Variants in LCA5 observed in about 807,000 individuals in gnomAD.
LCA5 encodes lebercilin LCA5, also known as lebercilin.
LCA5 carries 37 observed loss-of-function variants against 53.0 expected under a neutral mutation model. The ratio of observed to expected loss-of-function variants is 0.70; its 90% confidence interval spans 0.54 to 0.92. The LOEUF (loss-of-function observed/expected upper bound fraction) is 0.92, where lower values mean the gene tolerates loss of function less well. Ranked by LOEUF, LCA5 falls within the 40% of genes least tolerant of loss-of-function variation. The pLI is 0.00. For synonymous variants in LCA5, 303 were observed against 282.9 expected (o/e 1.07, Z -0.71); for missense variants, 806 against 790.5 (o/e 1.02, Z -0.23).
chr6:79,523,073 T>C (rs1288188481), intron 1 of LCA5, among the ~76,000 whole-genome samples: 1 of 152,194 alleles, frequency 6.6e-6, no homozygotes, highest in Non-Finnish European at 1.5e-5. Context: ...TAGAAGACTT[T>C]TGAATTAATT....
At position 79,518,890 on chromosome 6, in the gene LCA5, C is replaced by T. The variant is rs1411425708; in HGVS notation, c.5G>A (p.Gly2Glu). 1 of 1,614,040 alleles carries T rather than the reference C, an allele frequency of 6.2e-7. No homozygotes were observed. The highest frequency in any genetic ancestry group is 8.5e-7 in the Non-Finnish European group (1 of 1,179,964). ...AGTACCTGGACTTCCTGCTCTTTCC[C>T]CCATTGTTTTGAAAAATGGTCTCTA... The part of the protein sequence containing the change: M[G>E]ERAGSPGTDQ... The change falls in exon 2 of 8, where the codon GGG becomes GAG. Residue 2 changes from glycine to glutamate, a missense_variant. Physicochemically the swap from Gly to Glu is moderately conservative, Grantham distance 98. Transcript: ENST00000369846.
intron 3 of LCA5, among the ~76,000 whole-genome samples, chr6:79,508,424 T>A (rs1770326162): frequency 2.0e-5 from 3 of 151,980 alleles, no homozygotes; most frequent in African/African-American, 7.3e-5. Context: ...CTGGCGAAGT[T>A]TTTCACAGCT....
At chr6:79,507,181 C>T (rs1374478902) in intron 3 of LCA5, among the ~76,000 whole-genome samples, 1 of 152,050 alleles carries the variant, frequency 6.6e-6, no homozygotes, top group Non-Finnish European at 1.5e-5. Flanking sequence ...GATATGAGGA[C>T]CCAGCTGTCC....
chr6:79,501,293 TATCC>T (rs1770132202), intron 3 of LCA5, among the ~76,000 whole-genome samples: 1 of 152,124 alleles, frequency 6.6e-6, no homozygotes, highest in Non-Finnish European at 1.5e-5. Context: ...GTCAAGAACA[TATCC>T]ATCCATTCAT....
intron 3 of LCA5, among the ~76,000 whole-genome samples, chr6:79,497,861 T>C (rs1770024291): frequency 1.3e-5 from 2 of 150,480 alleles, no homozygotes; most frequent in African/African-American, 4.9e-5. Context: ...TAATTCCAGC[T>C]ACTCAGGAGG....
intron 3 of LCA5, among the ~76,000 whole-genome samples, chr6:79,499,048 T>C (rs1404525856): frequency 6.6e-6 from 1 of 151,998 alleles, no homozygotes; most frequent in Non-Finnish European, 1.5e-5. Flanking sequence ...ACAGCACCTA[T>C]CCCAAGAAGC....
intron 3 of LCA5, among the ~76,000 whole-genome samples, chr6:79,501,128 T>C (rs984788471): frequency 5.9e-5 from 9 of 152,136 alleles, no homozygotes; most frequent in African/African-American, 1.9e-4. Context: ...GGGCTCCCCA[T>C]AGTGTACGCA....
rs144383861 is a variant in LCA5 at position 79,489,993 on chromosome 6, C to G, written c.1099-777G>C. ...CCCTCCATTTCCTTGTTGCCCTTTC[C>G]CACAGGGGTGGAAAGCCAGTTCCAA... is the stretch of plus-strand genomic sequence containing the variant. On this transcript the variant is annotated intron_variant, in intron 6 of 7. Coordinates refer to ENST00000369846, the MANE Select transcript of LCA5 (RefSeq NM_001122769.3). Among the ~76,000 whole-genome samples, 359 of 152,088 alleles carry G rather than the reference C, an allele frequency of 2.4e-3. 2 individuals are homozygous for G. The highest frequency in any genetic ancestry group is 8.3e-3 in the African/African-American group (346 of 41,496).
At chr6:79,506,120 T>G (rs549095576) in intron 3 of LCA5, among the ~76,000 whole-genome samples, 1 of 152,282 alleles carries the variant, frequency 6.6e-6, no homozygotes, top group African/African-American at 2.4e-5. Context: ...CAAACTTCCT[T>G]TAATAGCTCC....
Position 79,485,471 on chromosome 6 carries a change from G to A in LCA5, c.*1533C>T, listed in dbSNP as rs1769623826. 1 of 152,392 alleles carries A rather than the reference G, an allele frequency of 6.6e-6. No homozygotes were observed. The highest frequency in any genetic ancestry group is 2.1e-4 in the South Asian group (1 of 4,822). The allele number at this position is 152,392 out of a possible 1,614,324, so 9.4% of individuals were successfully genotyped here. ...CATATCAGACATACAAATCTATTAA[G>A]AAAACTTTTTAATATAGTTTAGCAC... On this transcript the variant is annotated 3_prime_UTR_variant, in exon 8 of 8. Coordinates refer to ENST00000369846, the MANE Select transcript of LCA5 (RefSeq NM_001122769.3).
intron 3 of LCA5, among the ~76,000 whole-genome samples, chr6:79,497,893 A>C (rs1770025115): frequency 6.6e-6 from 1 of 151,122 alleles, no homozygotes. Flanking sequence ...GAATCGCTTG[A>C]ACCCGGGAGG....
chr6:79,525,727 G>A lies in LCA5; in HGVS notation c.-191-6642C>T, dbSNP rs1225663456. ...TGAAAAAATAGTCCGGATTAGATCC[G>A]GAGGACCCAGTAGGGCAAGGCCTCG... is the stretch of plus-strand genomic sequence containing the variant. On this transcript the variant is annotated intron_variant, in intron 1 of 7. Transcript: ENST00000369846. 5.3e-5 allele frequency among the ~76,000 whole-genome samples: 8 copies of A among 152,216 alleles called. No individual in the cohort carries two copies. In the South Asian group the frequency reaches 1.2e-3, roughly 24 times the overall value.
At chr6:79,487,941 A>C in intron 7 of LCA5, 75 bp from the exon 8 acceptor site, 1 of 1,117,560 alleles carries the variant, frequency 8.9e-7, no homozygotes, top group Non-Finnish European at 1.3e-6. Flanking sequence ...ATCAACTTTC[A>C]TAAAACCACC....
At position 79,486,590 on chromosome 6, in the gene LCA5, C is replaced by T. The variant is rs1278706207; in HGVS notation, c.*414G>A. The T allele has an allele frequency of 1.1e-5, 2 of 174,224 alleles. No homozygotes were observed. The highest frequency in any genetic ancestry group is 4.8e-5 in the African/African-American group (2 of 41,552). The allele number at this position is 174,224 out of a possible 1,614,324, so 10.8% of individuals were successfully genotyped here. A position where few individuals can be genotyped will look rare whatever the true frequency, so the allele number is the denominator to read the frequency against. On this transcript the variant is annotated 3_prime_UTR_variant, in exon 8 of 8. Coordinates refer to ENST00000369846, the MANE Select transcript of LCA5 (RefSeq NM_001122769.3). ...TTCTCCACCATCCGGAGCTACACTT[C>T]CCAACACAGACTTTCACCCTTAATT...
Position 79,493,488 on chromosome 6 carries a change from A to G in LCA5, c.858+125T>C, listed in dbSNP as rs972228385. 6.7e-6 allele frequency: 6 copies of G among 898,964 alleles called. No homozygotes were observed. In the African/African-American group the frequency reaches 6.8e-5, roughly 10 times the overall value. 55.7% of individuals were successfully genotyped at this position (898,964 alleles called of 1,614,324 possible). ...AAACCTTTTCTAAGTGCTAAAGATA[A>G]TATCAGAATTTTGTAAATTATATTG... On this transcript the variant is annotated intron_variant, in intron 4 of 7. Transcript: ENST00000369846.
At chr6:79,532,550 TCTTCTGTGCCTTCAACATA>T (rs1198348340) in intron 1 of LCA5, among the ~76,000 whole-genome samples, 1 of 152,198 alleles carries the variant, frequency 6.6e-6, no homozygotes, top group Admixed American at 6.5e-5. Flanking sequence ...AAACTAGCCT[TCTTCTGTGCCTTCAACATA>T]TAAGATTTTT....
upstream of LCA5, among the ~76,000 whole-genome samples, chr6:79,537,665 G>A (rs1245088179): frequency 6.6e-6 from 1 of 152,240 alleles, no homozygotes; most frequent in Non-Finnish European, 1.5e-5. Flanking sequence ...GCCAGGGCTC[G>A]ACTGCTGAGC....
At chr6:79,509,509 CATA>C (rs1483195947) in intron 3 of LCA5, among the ~76,000 whole-genome samples, 1 of 146,086 alleles carries the variant, frequency 6.8e-6, no homozygotes, top group African/African-American at 2.5e-5. Context: ...TTGATTCCAA[CATA>C]ATGTCAATTA....
chr6:79,523,739 CCCA>C (rs1766695195), intron 1 of LCA5, among the ~76,000 whole-genome samples: 1 of 151,926 alleles, frequency 6.6e-6, no homozygotes, highest in Admixed American at 6.6e-5. Context: ...ATCCGAGGGG[CCCA>C]CCAACTTTCT....
Sources: gnomAD v4.1 joint callset for allele counts (sites outside exome capture counted in the v4.1 genomes callset) on GRCh38, gnomAD v4.1.1 for gene constraint, MANE v1.5 for transcripts, NCBI Gene and HGNC (gene_info 2026-07-23, HGNC 2026-07-21) for gene names.